The following NIBAN2 variants were observed in gnomAD, a reference collection of about 807,000 sequenced individuals.
NIBAN2 encodes protein Niban 2.
In NIBAN2, 36 loss-of-function variants were observed where a neutral mutation model predicts 81.8. The observed-to-expected ratio is 0.44, with a 90% CI of 0.34 to 0.58. NIBAN2 has a LOEUF of 0.58. Ranked by LOEUF, NIBAN2 falls within the 20% of genes least tolerant of loss-of-function variation. The pLI, the probability that NIBAN2 is intolerant of heterozygous loss-of-function variation, is 0.02. For missense variants in NIBAN2, 897 were observed against 1,014.1 expected (o/e 0.88, Z 1.57); for synonymous variants, 445 against 441.6 (o/e 1.01, Z -0.10).
chr9:127,524,034 G>GC (rs1260153909), intron 4 of NIBAN2, among the ~76,000 whole-genome samples, 188 bp from the exon 5 acceptor site: 2 of 152,208 alleles, frequency 1.3e-5, no homozygotes, highest in Non-Finnish European at 1.5e-5. Context: ...GTTCTCCTCA[G>GC]CCCAAAACCT....
intron 5 of NIBAN2, among the ~76,000 whole-genome samples, chr9:127,522,111 C>A (rs527970305): frequency 3.3e-5 from 5 of 152,356 alleles, no homozygotes; most frequent in African/African-American, 1.2e-4. Flanking sequence ...GCAGCCAGAG[C>A]CTTGAGTGCC....
At position 127,505,783 on chromosome 9, in the gene NIBAN2, C is replaced by T. The variant is rs937480456; in HGVS notation, c.*1062G>A. 1 of 152,508 alleles carries T rather than the reference C, an allele frequency of 6.6e-6. No homozygotes were observed. The highest frequency in any genetic ancestry group is 1.5e-5 in the Non-Finnish European group (1 of 68,314). The allele number at this position is 152,508 out of a possible 1,614,324, so 9.4% of individuals were successfully genotyped here. ...CGACAGCCAGGCCCAGAGTGACTCA[C>T]AAGGACATCCAAAGAAGGGACTGGA... On this transcript the variant is annotated 3_prime_UTR_variant, in exon 14 of 14. Coordinates refer to ENST00000373312, the MANE Select transcript of NIBAN2 (RefSeq NM_022833.4).
At chr9:127,533,157 T>TA (rs547328282) in intron 1 of NIBAN2, among the ~76,000 whole-genome samples, 14 of 148,580 alleles carry the variant, frequency 9.4e-5, no homozygotes, top group Non-Finnish European at 1.0e-4. Flanking sequence ...GACTCTATCT[T>TA]AAAAAAACAA....
intron 1 of NIBAN2, among the ~76,000 whole-genome samples, chr9:127,550,034 C>A (rs1443386677): frequency 6.6e-6 from 1 of 152,154 alleles, no homozygotes; most frequent in Non-Finnish European, 1.5e-5. Flanking sequence ...CGGGGGAGTC[C>A]CTTGAGGGTG....
In NIBAN2 at chr9:127,508,443, C is replaced by A; in HGVS notation, c.1413G>T (p.Arg471=). ...TKEELCKSIQ[R]VLERVLKKYD... ...TCACCTTCAGCACCCGCTCCAGGAC[C>A]CGCTGGATGGACTTGCACAGCTCCT... Residue 471 remains arginine, a synonymous_variant, in exon 11 of 14, where the codon CGG becomes CGT. Coordinates refer to ENST00000373312, the MANE Select transcript of NIBAN2 (RefSeq NM_022833.4). This position sits in a 1 kb window ranked among gnomAD's most constrained non-coding sequence, Gnocchi z 6.4. The A allele has an allele frequency of 6.2e-7, 1 of 1,612,774 alleles. No homozygotes were observed. The highest frequency in any genetic ancestry group is 8.5e-7 in the Non-Finnish European group (1 of 1,179,958).
chr9:127,557,500 C>T (rs111715847), intron 1 of NIBAN2, among the ~76,000 whole-genome samples: 83 of 152,208 alleles, frequency 5.5e-4, no homozygotes, highest in Non-Finnish European at 9.6e-4. Flanking sequence ...GGGCTCAGCC[C>T]CAATTGCACA....
At chr9:127,568,034 A>G (rs1588193578) in intron 1 of NIBAN2, among the ~76,000 whole-genome samples, 1 of 152,104 alleles carries the variant, frequency 6.6e-6, no homozygotes, top group South Asian at 2.1e-4. Flanking sequence ...GGGAAAAGGA[A>G]CCCAGGCCCC....
chr9:127,527,447 G>A, intron 2 of NIBAN2, 125 bp from the exon 3 acceptor site: 1 of 881,730 alleles, frequency 1.1e-6, no homozygotes, highest in Non-Finnish European at 1.8e-6. Context: ...TCCATTTTGG[G>A]TCTCCCCAAG....
At position 127,578,982 on chromosome 9, in the gene NIBAN2, A is replaced by G. The variant is rs73668527; in HGVS notation, c.-45T>C. ...AAAAGGAAGGGACCGGAACTGGCCC[A>G]GTTCCTGACTCCTAGCACGTCCTTG... On this transcript the variant is annotated 5_prime_UTR_variant, in exon 1 of 14. Coordinates refer to the NIBAN2 transcript ENST00000373314. 3.7e-4 allele frequency: 579 copies of G among 1,566,474 alleles called. 1 individual carries two copies. The African/African-American group carries it at 5.3e-3, about 14-fold the overall frequency.
intron 1 of NIBAN2, among the ~76,000 whole-genome samples, chr9:127,565,802 A>AGATGTT (rs1837847785): frequency 6.7e-6 from 1 of 149,438 alleles, no homozygotes; most frequent in Non-Finnish European, 1.5e-5. Flanking sequence ...AAAAAAAAAA[A>AGATGTT]AGATGTTAGT....
chr9:127,543,678 A>C (rs1020328749), intron 1 of NIBAN2, among the ~76,000 whole-genome samples: 5 of 151,866 alleles, frequency 3.3e-5, no homozygotes, highest in African/African-American at 1.2e-4. Flanking sequence ...TCCATTACAC[A>C]TTTCCTACCT....
chr9:127,574,985 C>A lies in NIBAN2; in HGVS notation c.16+3937G>T, dbSNP rs1376264643. Among the ~76,000 whole-genome samples the A allele has an allele frequency of 2.6e-5, 4 of 152,234 alleles. No homozygotes were observed. In the South Asian group the frequency reaches 8.3e-4, roughly 31 times the overall value. On this transcript the variant is annotated intron_variant, in intron 1 of 13. Coordinates refer to the NIBAN2 transcript ENST00000373314. Reference sequence around the variant, plus strand: ...GGGAACTGGCCTCCCTGCCTCCAGCCCCCCATGCATTCCTCACTGGGAGCC... The same window carrying A: ...GGGAACTGGCCTCCCTGCCTCCAGCACCCCATGCATTCCTCACTGGGAGCC...
chr9:127,527,176 C>A lies in NIBAN2; in HGVS notation c.315+18G>T, dbSNP rs1288723827. 1 of 1,611,230 alleles carries A rather than the reference C, an allele frequency of 6.2e-7. No homozygotes were observed. The highest frequency in any genetic ancestry group is 8.5e-7 in the Non-Finnish European group (1 of 1,179,922). ...GAAAGCGGGGAGGCTCAGTGTGGCGCCCGGGGCCAGGCCTCACCGCTTTGT... is the reference window on the plus strand; with the variant it reads ...GAAAGCGGGGAGGCTCAGTGTGGCGACCGGGGCCAGGCCTCACCGCTTTGT... On this transcript the variant is annotated intron_variant, in intron 3 of 13. Coordinates refer to ENST00000373312, the MANE Select transcript of NIBAN2 (RefSeq NM_022833.4).
chr9:127,539,760 C>A (rs908240943), intron 1 of NIBAN2, among the ~76,000 whole-genome samples: 1 of 152,150 alleles, frequency 6.6e-6, no homozygotes. Flanking sequence ...ACAGCCCCCT[C>A]GGGCCAGACA....
chr9:127,532,773 C>CTT (rs1259758411), intron 1 of NIBAN2, among the ~76,000 whole-genome samples: 1 of 151,998 alleles, frequency 6.6e-6, no homozygotes, highest in Non-Finnish European at 1.5e-5. Context: ...TGGCTCACAC[C>CTT]TATAATCCCA....
chr9:127,547,328 C>A (rs2132215923), intron 1 of NIBAN2, among the ~76,000 whole-genome samples: 1 of 151,872 alleles, frequency 6.6e-6, no homozygotes, highest in Middle Eastern at 3.4e-3. Context: ...ACCAGCCTGG[C>A]CAACATGGTG....
rs1449378425 is a variant in NIBAN2, at chr9:127,569,041, C to T, written c.-167G>A. 25 of 1,100,294 alleles carry T rather than the reference C, an allele frequency of 2.3e-5. No individual in the cohort carries two copies. Among genetic ancestry groups the T allele is most frequent in the Non-Finnish European group, 2.7e-5 (24 of 905,234 alleles). The allele number at this position is 1,100,294 out of a possible 1,614,324, so 68.2% of individuals were successfully genotyped here. ...GCGGCTTCCGCTCCGGCTCCGCTCC[C>T]GGTCGGGCCCCGTCCCTCCAGCCGG... On this transcript the variant is annotated 5_prime_UTR_variant, in exon 1 of 14. Coordinates refer to ENST00000373312, the MANE Select transcript of NIBAN2 (RefSeq NM_022833.4).
intron 1 of NIBAN2, among the ~76,000 whole-genome samples, chr9:127,561,739 T>A (rs1453669166): frequency 6.6e-6 from 1 of 152,228 alleles, no homozygotes; most frequent in Admixed American, 6.5e-5. Flanking sequence ...GGGTGGACAC[T>A]TCCTGTTCTT....
intron 1 of NIBAN2, among the ~76,000 whole-genome samples, chr9:127,550,528 A>G (rs1250597827): frequency 1.3e-5 from 2 of 152,244 alleles, no homozygotes; most frequent in African/African-American, 4.8e-5. Flanking sequence ...AGCATCTAGC[A>G]CAGCACTTTG....
Sources: allele counts gnomAD v4.1 joint callset (sites outside exome capture counted in the v4.1 genomes callset), GRCh38; gene constraint gnomAD v4.1.1; non-coding constraint Gnocchi (gnomAD v3.1); transcripts MANE v1.5; gene names NCBI Gene and HGNC (gene_info 2026-07-23, HGNC 2026-07-21).